Variants in HS6ST3 observed in about 807,000 individuals in gnomAD.
HS6ST3 encodes heparan sulfate 6-O-sulfotransferase 3.
In HS6ST3, 12 loss-of-function variants were observed where a neutral mutation model predicts 36.7. The ratio of observed to expected loss-of-function variants is 0.33; its 90% CI spans 0.21 to 0.53. The LOEUF (loss-of-function observed/expected upper bound fraction) is 0.53. HS6ST3 is among the 20% of genes least tolerant of loss of function. HS6ST3 has a pLI of 0.95. For synonymous variants in HS6ST3, 240 were observed against 257.5 expected (o/e 0.93, Z 0.65); for missense variants, 584 against 640.9 (o/e 0.91, Z 0.96).
intron 1 of HS6ST3, among the ~76,000 whole-genome samples, chr13:96,569,034 A>G (rs1489234061): frequency 1.3e-5 from 2 of 152,226 alleles, no homozygotes; most frequent in African/African-American, 4.8e-5. Flanking sequence ...ATCTTCATGG[A>G]AAGAATGTCT....
At chr13:96,797,467 C>T (rs527645697) in intron 1 of HS6ST3, among the ~76,000 whole-genome samples, 1 of 152,092 alleles carries the variant, frequency 6.6e-6, no homozygotes, top group African/African-American at 2.4e-5. Context: ...AATAAGGGAC[C>T]ACTAAAAGGT....
At chr13:96,769,482 C>G (rs1877204386) in intron 1 of HS6ST3, among the ~76,000 whole-genome samples, 1 of 134,656 alleles carries the variant, frequency 7.4e-6, no homozygotes, top group African/African-American at 2.8e-5. Flanking sequence ...CTTTAAAACC[C>G]CAAACAAAGG....
At chr13:96,121,251 T>C (rs542123448) in intron 1 of HS6ST3, among the ~76,000 whole-genome samples, 2 of 152,340 alleles carry the variant, frequency 1.3e-5, no homozygotes, top group East Asian at 3.9e-4. Context: ...AATTAAGATA[T>C]ATTTAATTTA....
At chr13:96,371,514 A>G (rs1319796469) in intron 1 of HS6ST3, among the ~76,000 whole-genome samples, 7 of 152,146 alleles carry the variant, frequency 4.6e-5, no homozygotes, top group Non-Finnish European at 8.8e-5. Flanking sequence ...TTTCAGGTAT[A>G]TAATACATAA....
At chr13:96,609,100 G>A (rs1352084871) in intron 1 of HS6ST3, among the ~76,000 whole-genome samples, 2 of 151,870 alleles carry the variant, frequency 1.3e-5, no homozygotes, top group African/African-American at 2.4e-5. Flanking sequence ...CTCCCGAGTA[G>A]CTGGGACTAT....
In HS6ST3 at chr13:96,838,824, G is replaced by C. The variant is rs1175915057; in HGVS notation, c.*5626G>C. 6.6e-6 allele frequency: 1 copy of C among 152,250 alleles called. No individual in the cohort carries two copies. The highest frequency in any genetic ancestry group is 1.5e-5 in the Non-Finnish European group (1 of 68,074). 9.4% of individuals were successfully genotyped at this position (152,250 alleles called of 1,614,324 possible). A position where few individuals can be genotyped will look rare whatever the true frequency, so the allele number is the denominator to read the frequency against. On this transcript the variant is annotated 3_prime_UTR_variant, in exon 2 of 2. Coordinates refer to ENST00000376705, the MANE Select transcript of HS6ST3 (RefSeq NM_153456.4). ...AGCATGTGAAAGAACCAACCTGCCT[G>C]GCAGAGGTGCAGAAATTTCCAGAGG...
intron 1 of HS6ST3, among the ~76,000 whole-genome samples, chr13:96,463,382 G>T (rs1566368189): frequency 2.0e-5 from 3 of 152,066 alleles, no homozygotes; most frequent in Admixed American, 2.0e-4. Context: ...AATGTAGCTA[G>T]GACAAATAAT....
At chr13:96,502,798 T>C (rs2056010549) in intron 1 of HS6ST3, among the ~76,000 whole-genome samples, 2 of 152,314 alleles carry the variant, frequency 1.3e-5, no homozygotes, top group South Asian at 4.1e-4. Context: ...GTAACTTACC[T>C]ATCTAAAATA....
chr13:96,160,634 T>G (rs189385502), intron 1 of HS6ST3, among the ~76,000 whole-genome samples: 46 of 152,324 alleles, frequency 3.0e-4, no homozygotes, highest in African/African-American at 1.1e-3. Flanking sequence ...TACTCTGGGT[T>G]ACCTATTAGA....
chr13:96,145,813 C>T (rs1197386001), intron 1 of HS6ST3, among the ~76,000 whole-genome samples: 1 of 152,140 alleles, frequency 6.6e-6, no homozygotes. Context: ...TTTAATCCAT[C>T]TTGAATTAAT....
intron 1 of HS6ST3, among the ~76,000 whole-genome samples, chr13:96,815,073 A>C (rs2138537814): frequency 1.3e-5 from 2 of 152,332 alleles, no homozygotes; most frequent in East Asian, 1.9e-4. Context: ...CAGTGACAAA[A>C]GTACCACTAA....
chr13:96,721,620 C>T (rs1383626181), intron 1 of HS6ST3, among the ~76,000 whole-genome samples: 1 of 152,050 alleles, frequency 6.6e-6, no homozygotes, highest in African/African-American at 2.4e-5. Context: ...TAGATATTAC[C>T]TTATTTGATT....
intron 1 of HS6ST3, among the ~76,000 whole-genome samples, chr13:96,341,963 C>T (rs1244906355): frequency 7.9e-5 from 12 of 152,076 alleles, no homozygotes; most frequent in Admixed American, 7.9e-4. Flanking sequence ...TACATATCTT[C>T]AGTGGATGGA....
At chr13:96,393,471 T>G (rs1371044253) in intron 1 of HS6ST3, among the ~76,000 whole-genome samples, 2 of 152,236 alleles carry the variant, frequency 1.3e-5, no homozygotes, top group African/African-American at 4.8e-5. Flanking sequence ...GAATCCTTTC[T>G]TAGTAATTAT....
intron 1 of HS6ST3, among the ~76,000 whole-genome samples, chr13:96,386,454 C>CT (rs973175222): frequency 2.1e-4 from 32 of 152,080 alleles, no homozygotes; most frequent in Middle Eastern, 3.4e-3. Flanking sequence ...ATCTCACAGA[C>CT]TTTTTTTTGT....
In HS6ST3 at chr13:96,565,477, C is replaced by T. The variant is rs116685317; in HGVS notation, c.708-267013C>T. 2.6e-3 allele frequency among the ~76,000 whole-genome samples: 393 copies of T among 152,132 alleles called. 1 individual carries two copies. The highest frequency in any genetic ancestry group is 9.0e-3 in the African/African-American group (374 of 41,504). ...TCATTTTCCTACTCCATGGCAGTGA[C>T]TGGAAATGGTTTATTCTCTGAAAAG... On this transcript the variant is annotated intron_variant, in intron 1 of 1. Coordinates refer to ENST00000376705, the MANE Select transcript of HS6ST3 (RefSeq NM_153456.4).
chr13:96,708,050 A>C lies in HS6ST3; in HGVS notation c.708-124440A>C, dbSNP rs1432794126. On this transcript the variant is annotated intron_variant, in intron 1 of 1. Coordinates refer to ENST00000376705, the MANE Select transcript of HS6ST3 (RefSeq NM_153456.4). ...TCCAGATAGGCTTTAAAGTTAGGAA[A>C]TCTAGTAAAATAACTTCTAAGGATA... Among the ~76,000 whole-genome samples the C allele has an allele frequency of 2.6e-5, 4 of 152,206 alleles. No individual in the cohort carries two copies. In the East Asian group the frequency reaches 7.7e-4, roughly 29 times the overall value.
intron 1 of HS6ST3, among the ~76,000 whole-genome samples, chr13:96,303,843 G>A (rs906252151): frequency 6.6e-6 from 1 of 152,120 alleles, no homozygotes; most frequent in Non-Finnish European, 1.5e-5. Flanking sequence ...GGAAGATTCA[G>A]CTTAAAAATA....
chr13:96,294,051 C>T (rs549662268), intron 1 of HS6ST3, among the ~76,000 whole-genome samples: 2 of 152,116 alleles, frequency 1.3e-5, no homozygotes, highest in African/African-American at 4.8e-5. Flanking sequence ...AATGACATTA[C>T]GTTTCTTGGG....
Sources: gnomAD v4.1 joint callset for allele counts (sites outside exome capture counted in the v4.1 genomes callset) on GRCh38, gnomAD v4.1.1 for gene constraint, MANE v1.5 for transcripts, NCBI Gene and HGNC (gene_info 2026-07-23, HGNC 2026-07-21) for gene names.